Variants in DLG2 observed in about 807,000 individuals in gnomAD.
The protein encoded by DLG2 is discs large MAGUK scaffold protein 2.
Under a neutral mutation model 132.5 loss-of-function variants are expected in DLG2, and 45 were observed. The ratio of observed to expected loss-of-function variants is 0.34; its 90% CI spans 0.27 to 0.44. The LOEUF is 0.44. Among genes scored for constraint, DLG2 ranks in the 20% least tolerant of loss-of-function variants. The probability of loss-of-function intolerance (pLI) is 1.00; values close to 1 mark genes in which losing one functional copy is unlikely to be tolerated. For synonymous variants in DLG2, 424 were observed against 419.6 expected (o/e 1.01, Z -0.13); for missense variants, 1,045 against 1,196.9 (o/e 0.87, Z 1.87).
chr11:83,629,859 G>A (rs2063266917), intron 19 of DLG2, among the ~76,000 whole-genome samples: 1 of 152,106 alleles, frequency 6.6e-6, no homozygotes, highest in African/African-American at 2.4e-5. Context: ...TACTTGTGCA[G>A]CATTTTGAAA....
At chr11:83,972,594 T>C (rs2091538260) in intron 12 of DLG2, among the ~76,000 whole-genome samples, 1 of 152,142 alleles carries the variant, frequency 6.6e-6, no homozygotes, top group Non-Finnish European at 1.5e-5. Context: ...CCCTAGCTGA[T>C]GCAATATAAA....
rs111936558 is a variant in DLG2 at position 85,332,425 on chromosome 11, C to T, written c.41-47060G>A. Among the ~76,000 whole-genome samples the T allele has an allele frequency of 5.9e-5, 9 of 151,768 alleles. 1 individual carries two copies. Among genetic ancestry groups the T allele is most frequent in the African/African-American group, 1.9e-4 (8 of 41,522 alleles). On this transcript the variant is annotated intron_variant, in intron 3 of 27. Transcript: ENST00000376104. The stretch of plus-strand genomic sequence containing the variant: ...TCCCATTCTGCAGGTTGTCTACTCT[C>T]TATGGGTCCTTTTATTTTGCAGAAG...
chr11:84,589,873 T>C, intron 6 of DLG2, among the ~76,000 whole-genome samples: 1 of 152,228 alleles, frequency 6.6e-6, no homozygotes, highest in East Asian at 1.9e-4. Context: ...ATTTTAAAAC[T>C]CATTTCTTAC....
intron 7 of DLG2, among the ~76,000 whole-genome samples, chr11:84,436,105 C>T (rs1436379606): frequency 6.6e-6 from 1 of 152,134 alleles, no homozygotes; most frequent in Non-Finnish European, 1.5e-5. Flanking sequence ...CTAGTTGACA[C>T]ATAATAGTTA....
At chr11:85,302,048 C>T (rs1221507417) in intron 3 of DLG2, among the ~76,000 whole-genome samples, 1 of 152,142 alleles carries the variant, frequency 6.6e-6, no homozygotes, top group African/African-American at 2.4e-5. Context: ...TGAGGTCAGA[C>T]TGTCATGGGA....
intron 18 of DLG2, among the ~76,000 whole-genome samples, chr11:83,670,011 T>C (rs2076570060): frequency 6.6e-6 from 1 of 152,226 alleles, no homozygotes; most frequent in African/African-American, 2.4e-5. Context: ...TTTAAATTCT[T>C]TGGTCTCTTA....
chr11:83,866,133 T>C (rs1440815401), intron 16 of DLG2, among the ~76,000 whole-genome samples: 3 of 152,134 alleles, frequency 2.0e-5, no homozygotes, highest in Non-Finnish European at 4.4e-5. Context: ...TGTGTGATTA[T>C]TCAATTAATG....
chr11:83,883,983 C>G (rs1444363752), intron 15 of DLG2, among the ~76,000 whole-genome samples: 1 of 152,174 alleles, frequency 6.6e-6, no homozygotes, highest in African/African-American at 2.4e-5. Flanking sequence ...CGAATAGGAA[C>G]AGCTCCGGTC....
intron 6 of DLG2, among the ~76,000 whole-genome samples, chr11:84,931,698 A>G (rs140736912): frequency 3.3e-4 from 50 of 152,296 alleles, no homozygotes; most frequent in African/African-American, 1.1e-3. Context: ...CTGTCTTCCA[A>G]TATGGTTGAA....
At position 83,601,387 on chromosome 11, in the gene DLG2, G is replaced by C. The variant is rs534499533; in HGVS notation, c.1940+31824C>G. 4.4e-4 allele frequency among the ~76,000 whole-genome samples: 67 copies of C among 152,184 alleles called. 1 individual carries two copies. The highest frequency in any genetic ancestry group is 3.3e-3 in the Admixed American group (50 of 15,292). On this transcript the variant is annotated intron_variant, in intron 19 of 27. Coordinates refer to ENST00000376104, the MANE Select transcript of DLG2 (RefSeq NM_001142699.3). ...ACCCTGTGATGTTCTGACTTGGTAAGTTGGTAAGTGTGGGGATGGAGCCAA... is the reference window on the plus strand; with the variant it reads ...ACCCTGTGATGTTCTGACTTGGTAACTTGGTAAGTGTGGGGATGGAGCCAA...
chr11:83,594,644 A>T (rs1269508238), intron 19 of DLG2, among the ~76,000 whole-genome samples: 1 of 152,198 alleles, frequency 6.6e-6, no homozygotes, highest in Non-Finnish European at 1.5e-5. Context: ...TGTATAAAGG[A>T]TACTTAGAAG....
intron 6 of DLG2, among the ~76,000 whole-genome samples, chr11:85,010,872 G>C (rs2059096461): frequency 1.3e-5 from 2 of 152,062 alleles, no homozygotes; most frequent in African/African-American, 4.8e-5. Context: ...GGCATATTGA[G>C]AATAAGAGAC....
At chr11:84,556,965 T>C (rs1213596318) in intron 6 of DLG2, among the ~76,000 whole-genome samples, 1 of 152,168 alleles carries the variant, frequency 6.6e-6, no homozygotes, top group African/African-American at 2.4e-5. Flanking sequence ...ACCAGCAGAA[T>C]GGAGGCCCCT....
chr11:84,521,403 C>T (rs1028769975), intron 7 of DLG2, among the ~76,000 whole-genome samples: 1 of 152,162 alleles, frequency 6.6e-6, no homozygotes, highest in African/African-American at 2.4e-5. Context: ...CCTGTCTCAG[C>T]TATAGTGTTA....
chr11:84,690,893 G>A (rs192046884), intron 6 of DLG2, among the ~76,000 whole-genome samples: 3 of 151,938 alleles, frequency 2.0e-5, no homozygotes, highest in South Asian at 2.1e-4. Flanking sequence ...ATTGATAAGT[G>A]CCAGTGTAAT....
At chr11:84,069,905 C>T (rs1174177967) in intron 10 of DLG2, among the ~76,000 whole-genome samples, 2 of 152,164 alleles carry the variant, frequency 1.3e-5, no homozygotes, top group African/African-American at 2.4e-5. Context: ...ATTACTTAGC[C>T]CGCTCAGTTC....
chr11:84,879,209 T>C (rs1184846581), intron 6 of DLG2, among the ~76,000 whole-genome samples: 1 of 152,112 alleles, frequency 6.6e-6, no homozygotes, highest in Non-Finnish European at 1.5e-5. Context: ...TCACCAAAGA[T>C]AAGTTGCTTC....
At chr11:85,314,730 C>T (rs1222912881) in intron 3 of DLG2, among the ~76,000 whole-genome samples, 1 of 151,926 alleles carries the variant, frequency 6.6e-6, no homozygotes, top group Non-Finnish European at 1.5e-5. Flanking sequence ...TATGAAAAGC[C>T]ATGAATTGCC....
At chr11:85,163,206 T>TACACACACACACACAC (rs776985320) in intron 4 of DLG2, among the ~76,000 whole-genome samples, 2 of 148,170 alleles carry the variant, frequency 1.3e-5, no homozygotes, top group African/African-American at 5.0e-5. Flanking sequence ...TTATATATAT[T>TACACACACACACACAC]ACACACACAC....
Sources: allele counts gnomAD v4.1 joint callset (sites outside exome capture counted in the v4.1 genomes callset), GRCh38; gene constraint gnomAD v4.1.1; transcripts MANE v1.5; gene names NCBI Gene and HGNC (gene_info 2026-07-23, HGNC 2026-07-21).